PDE6A: variants seen among roughly 807,000 people sequenced by gnomAD.
The protein encoded by PDE6A is rod cGMP-specific 3',5'-cyclic phosphodiesterase subunit alpha.
A neutral mutation model predicts 106.3 loss-of-function variants in PDE6A; 84 were observed. The ratio of observed to expected loss-of-function variants is 0.79; its 90% CI spans 0.66 to 0.95. The LOEUF (loss-of-function observed/expected upper bound fraction) is 0.95. Ranked by LOEUF, PDE6A falls within the 40% of genes least tolerant of loss-of-function variation. The pLI is 0.00. For synonymous variants in PDE6A, 394 were observed against 386.6 expected (o/e 1.02, Z -0.23); for missense variants, 1,052 against 1,084.9 (o/e 0.97, Z 0.43).
At chr5:149,886,148 G>A in intron 14 of PDE6A, 117 bp downstream of exon 14, 1 of 759,360 alleles carries the variant, frequency 1.3e-6, no homozygotes, top group Non-Finnish European at 2.3e-6. Context: ...AGGGCAGAAG[G>A]CGGTGGGAAG....
chr5:149,883,968 G>A (rs1464107229), intron 16 of PDE6A, among the ~76,000 whole-genome samples: 1 of 152,114 alleles, frequency 6.6e-6, no homozygotes, highest in Non-Finnish European at 1.5e-5. Context: ...TGAGGCAGAA[G>A]GATGGCTTGA....
chr5:149,905,729 C>T (rs1049874138), intron 7 of PDE6A, among the ~76,000 whole-genome samples: 3 of 152,240 alleles, frequency 2.0e-5, no homozygotes, highest in Non-Finnish European at 4.4e-5. Context: ...TGATAGTATT[C>T]TTTACCCCAC....
chr5:149,885,159 C>A (rs1387788993), intron 14 of PDE6A, among the ~76,000 whole-genome samples: 1 of 152,240 alleles, frequency 6.6e-6, no homozygotes, highest in African/African-American at 2.4e-5. Context: ...TGAATTTCCG[C>A]AAGCCGTGTA....
rs1421460955 is a variant in PDE6A, at chr5:149,873,271, A to T, written c.2136-5113T>A. Among the ~76,000 whole-genome samples, 7 of 152,058 alleles carry T rather than the reference A, an allele frequency of 4.6e-5. 1 individual carries two copies. The highest frequency in any genetic ancestry group is 1.7e-4 in the African/African-American group (7 of 41,392). The stretch of plus-strand genomic sequence containing the variant: ...AATGTGGCCCTCTGTAAAAGAATAC[A>T]GCTTTATTTATGGAGACTGAAGTTT... On this transcript the variant is annotated intron_variant, in intron 17 of 21. Transcript: ENST00000255266.
chr5:149,931,932 A>G, intron 3 of PDE6A: 1 of 952,356 alleles, frequency 1.1e-6, no homozygotes. Context: ...TACAATGAAG[A>G]GACAGAAACA....
intron 20 of PDE6A, among the ~76,000 whole-genome samples, chr5:149,865,533 T>C (rs1401269332): frequency 6.6e-6 from 1 of 152,206 alleles, no homozygotes; most frequent in Non-Finnish European, 1.5e-5. Flanking sequence ...TAGTCTGAGT[T>C]GTATCTCAGA....
intron 17 of PDE6A, among the ~76,000 whole-genome samples, chr5:149,881,658 C>T (rs1371029225): frequency 2.0e-5 from 3 of 152,146 alleles, no homozygotes; most frequent in South Asian, 2.1e-4. Context: ...TCACTACCTG[C>T]GTGAGGATCG....
chr5:149,886,394 G>A lies in PDE6A; in HGVS notation c.1729-20C>T. Reference sequence around the variant, plus strand: ...TCCCGTCTGGAAGGGCAATCAGAGTGCAAATCATTCCTTTTGTGTAGGGGC... The same window carrying A: ...TCCCGTCTGGAAGGGCAATCAGAGTACAAATCATTCCTTTTGTGTAGGGGC... On this transcript the variant is annotated intron_variant, in intron 13 of 21. Coordinates refer to ENST00000255266, the MANE Select transcript of PDE6A (RefSeq NM_000440.3). The A allele has an allele frequency of 1.3e-6, 2 of 1,577,244 alleles. No individual in the cohort carries two copies. Among genetic ancestry groups the A allele is most frequent in the Non-Finnish European group, 1.7e-6 (2 of 1,146,534 alleles).
chr5:149,931,000 G>A (rs1293266784), intron 4 of PDE6A, 28 bp downstream of exon 4: 2 of 1,611,644 alleles, frequency 1.2e-6, no homozygotes, highest in South Asian at 1.1e-5. Flanking sequence ...TCTTTTCTTG[G>A]AAATGTCTGT....
In PDE6A at chr5:149,934,574, C is replaced by T. The variant is rs1037076449; in HGVS notation, c.619G>A (p.Asp207Asn). 3.1e-6 allele frequency: 5 copies of T among 1,614,184 alleles called. No homozygotes were observed. The African/African-American group carries it at 5.3e-5, about 17-fold the overall frequency. Reference sequence around the variant, plus strand: ...CTCTAAAGCATTCTTACCTCTTCATCTCTCTTGGTGAAGTGGGATCCATCC... The same window carrying T: ...CTCTAAAGCATTCTTACCTCTTCATTTCTCTTGGTGAAGTGGGATCCATCC... ...KVDGSHFTKRDEEILLKYLNF... is the reference protein window; with the variant it reads ...KVDGSHFTKRNEEILLKYLNF... Residue 207 changes from aspartate (D) to asparagine (N), a missense_variant, in exon 2 of 22, where the codon GAT (aspartate) becomes AAT (asparagine). Asp to Asn is a conservative substitution (Grantham distance 23). This residue lies in a region of PDE6A where 913 missense variants were observed against 915.2 expected (regional missense o/e 1.00). Coordinates refer to ENST00000255266, the MANE Select transcript of PDE6A (RefSeq NM_000440.3).
intron 13 of PDE6A, among the ~76,000 whole-genome samples, chr5:149,890,397 TATTAA>T (rs759084416): frequency 1.3e-5 from 2 of 152,262 alleles, no homozygotes; most frequent in Admixed American, 6.5e-5. Flanking sequence ...TTATTTTATA[TATTAA>T]ATTATATGGG....
Position 149,944,251 on chromosome 5 carries a change from C to T in PDE6A, c.423G>A (p.Val141=). 1 of 1,613,720 alleles carries T rather than the reference C, an allele frequency of 6.2e-7. No individual in the cohort carries two copies. Among genetic ancestry groups the T allele is most frequent in the Non-Finnish European group, 8.5e-7 (1 of 1,179,928 alleles). The change falls in exon 1 of 22, where the codon GTG becomes GTA. Residue 141 remains valine (V), a synonymous_variant. Transcript: ENST00000255266. The part of the protein sequence containing the change: ...EIVFPLDMGI[V]GHVAHSKKIA... Reference sequence around the variant, plus strand: ...TCTTCTTAGAGTGTGCGACATGGCCCACGATGCCCATGTCCAAAGGGAAGA... The same window carrying T: ...TCTTCTTAGAGTGTGCGACATGGCCTACGATGCCCATGTCCAAAGGGAAGA...
chr5:149,921,337 A>C (rs1177823479), intron 5 of PDE6A, among the ~76,000 whole-genome samples: 2 of 151,984 alleles, frequency 1.3e-5, no homozygotes, highest in Non-Finnish European at 2.9e-5. Context: ...GCAGGAAGGC[A>C]GGAAGGCAGG....
intron 17 of PDE6A, among the ~76,000 whole-genome samples, chr5:149,882,021 G>A (rs1319724410): frequency 6.6e-6 from 1 of 151,380 alleles, no homozygotes; most frequent in Non-Finnish European, 1.5e-5. Flanking sequence ...CTGCACTCCA[G>A]CCTGGGCAAT....
At position 149,896,748 on chromosome 5, in the gene PDE6A, G is replaced by A; in HGVS notation, c.1436C>T (p.Pro479Leu). ...LKTREVYGKE[P>L]WECEEEELAE... ...CAGCTCCTCTTCCTCACACTCCCAT[G>A]GCTCCTTCCCATACACCTCTCTGGT... The change falls in exon 11 of 22, where the codon CCA becomes CTA. Residue 479 changes from proline to leucine, a missense_variant. This residue lies in a region of PDE6A where 913 missense variants were observed against 915.2 expected (regional missense o/e 1.00). Coordinates refer to ENST00000255266, the MANE Select transcript of PDE6A (RefSeq NM_000440.3). The A allele has an allele frequency of 6.2e-7, 1 of 1,614,112 alleles. No homozygotes were observed. The highest frequency in any genetic ancestry group is 8.5e-7 in the Non-Finnish European group (1 of 1,180,010).
At chr5:149,929,096 C>A (rs1268098391) in intron 4 of PDE6A, among the ~76,000 whole-genome samples, 1 of 152,142 alleles carries the variant, frequency 6.6e-6, no homozygotes, top group East Asian at 1.9e-4. Flanking sequence ...AAAGCTAATA[C>A]TCTGAAATTC....
At chr5:149,889,497 C>T (rs1752460498) in intron 13 of PDE6A, among the ~76,000 whole-genome samples, 1 of 151,812 alleles carries the variant, frequency 6.6e-6, no homozygotes, top group African/African-American at 2.4e-5. Context: ...GGCTAGAGTG[C>T]ACTGGTGCAA....
chr5:149,903,495 C>T (rs886803751), intron 8 of PDE6A, among the ~76,000 whole-genome samples, 153 bp downstream of exon 8: 1 of 151,834 alleles, frequency 6.6e-6, no homozygotes, highest in Non-Finnish European at 1.5e-5. Context: ...TAACTCTGTC[C>T]CCATTTCCAT....
At chr5:149,918,665 G>T (rs188680194) in intron 5 of PDE6A, among the ~76,000 whole-genome samples, 3 of 152,050 alleles carry the variant, frequency 2.0e-5, no homozygotes, top group Admixed American at 6.5e-5. Context: ...AGGCTGGAGT[G>T]CAGTGGCACA....
Sources: allele counts gnomAD v4.1 joint callset (sites outside exome capture counted in the v4.1 genomes callset), GRCh38; gene constraint gnomAD v4.1.1; regional missense constraint gnomAD v4.1.1; transcripts MANE v1.5; gene names NCBI Gene and HGNC (gene_info 2026-07-23, HGNC 2026-07-21).